The following CSMD1 variants were observed in gnomAD, a reference collection of about 807,000 sequenced individuals.
CSMD1 encodes CUB and Sushi multiple domains 1, also known as CUB and sushi domain-containing protein 1.
A neutral mutation model predicts 417.5 loss-of-function variants in CSMD1; 213 were observed. The observed-to-expected ratio is 0.51, with a 90% CI of 0.46 to 0.57. The LOEUF (loss-of-function observed/expected upper bound fraction) is 0.57, where lower values mean the gene tolerates loss of function less well. CSMD1 is among the 20% of genes least tolerant of loss of function. The pLI is 0.00. For missense variants in CSMD1, 6,923 were observed against 4,529.7 expected, an observed-to-expected ratio of 1.53 and a Z score of -15.17; for synonymous variants, 2,862 against 1,736.8, an observed-to-expected ratio of 1.65 and a Z score of -16.11.
chr8:2,944,701 A>G (rs1041730071), intron 68 of CSMD1, among the ~76,000 whole-genome samples: 9 of 152,314 alleles, frequency 5.9e-5, no homozygotes, highest in African/African-American at 1.9e-4. Context: ...ATTAAAAAAA[A>G]AAGTTTTGTC....
rs146307387 is a variant in CSMD1, at chr8:4,374,290, T to C, written c.415+45663A>G. Among the ~76,000 whole-genome samples, 352 of 152,310 alleles carry C rather than the reference T, an allele frequency of 2.3e-3. 2 individuals carry two copies. Among genetic ancestry groups the C allele is most frequent in the African/African-American group, 7.6e-3 (315 of 41,568 alleles). ...TTTTAATACAGCCTACCTACTGTTA[T>C]GCTGTATTAGAGTACAATATAATTA... On this transcript the variant is annotated intron_variant, in intron 3 of 69. Transcript: ENST00000635120.
At chr8:3,715,734 G>T (rs997486622) in intron 6 of CSMD1, among the ~76,000 whole-genome samples, 3 of 152,092 alleles carry the variant, frequency 2.0e-5, no homozygotes, top group Non-Finnish European at 4.4e-5. Flanking sequence ...GTAGAGACAC[G>T]GTTTCACCAT....
At chr8:3,787,957 G>A (rs969828973) in intron 5 of CSMD1, among the ~76,000 whole-genome samples, 1 of 152,162 alleles carries the variant, frequency 6.6e-6, no homozygotes, top group African/African-American at 2.4e-5. Context: ...CCTTGCATGG[G>A]CTCCTAATGC....
At chr8:4,270,757 T>A (rs1396405149) in intron 3 of CSMD1, among the ~76,000 whole-genome samples, 2 of 152,190 alleles carry the variant, frequency 1.3e-5, no homozygotes, top group Non-Finnish European at 2.9e-5. Flanking sequence ...GTGCTACTCA[T>A]CACCTGCACG....
intron 17 of CSMD1, among the ~76,000 whole-genome samples, chr8:3,388,896 T>TACAC (rs6150441): frequency 0.01 from 1,520 of 147,624 alleles, 24 homozygotes; most frequent in African/African-American, 0.03. Context: ...CACACATGCA[T>TACAC]ACACACACAC....
chr8:4,862,904 G>A (rs1018352584), intron 1 of CSMD1, among the ~76,000 whole-genome samples: 3 of 151,988 alleles, frequency 2.0e-5, no homozygotes, highest in African/African-American at 2.4e-5. Context: ...AGAGCCGTGG[G>A]AGACACAGCA....
chr8:3,727,770 T>A lies in CSMD1; in HGVS notation c.932-19279A>T, dbSNP rs551598069. The stretch of plus-strand genomic sequence containing the variant: ...AATGTGATCTGACCATATAATCGGT[T>A]ATAATTTAGTCTTAAAAAGGAAGGA... On this transcript the variant is annotated intron_variant, in intron 6 of 69. Transcript: ENST00000635120. 9.8e-4 allele frequency among the ~76,000 whole-genome samples: 149 copies of A among 152,272 alleles called. 1 individual carries two copies. Among genetic ancestry groups the A allele is most frequent in the African/African-American group, 3.5e-3 (144 of 41,554 alleles).
chr8:4,787,588 A>G lies in CSMD1; in HGVS notation c.86-150030T>C, dbSNP rs1797474402. On this transcript the variant is annotated intron_variant, in intron 1 of 69. Coordinates refer to ENST00000635120, the MANE Select transcript of CSMD1 (RefSeq NM_033225.6). ...CAGCTTTCATTGCACCCCAGTGCGA[A>G]ATGATTCCAATTGAATGGGTTTGCA... is the stretch of plus-strand genomic sequence containing the variant. 4 of 1,535,064 alleles carry G rather than the reference A, an allele frequency of 2.6e-6. No homozygotes were observed. The South Asian group carries it at 4.5e-5, about 17-fold the overall frequency.
intron 2 of CSMD1, among the ~76,000 whole-genome samples, chr8:4,491,981 T>C (rs1441366585): frequency 6.6e-6 from 1 of 150,852 alleles, no homozygotes; most frequent in Non-Finnish European, 1.5e-5. Context: ...CATTCATTAA[T>C]AGATGAATGG....
chr8:4,197,071 C>G (rs949659600), intron 3 of CSMD1, among the ~76,000 whole-genome samples: 1 of 152,180 alleles, frequency 6.6e-6, no homozygotes, highest in Non-Finnish European at 1.5e-5. Flanking sequence ...AGCTTGTGTT[C>G]TATGGGAAAT....
At chr8:3,954,913 T>A (rs1811838420) in intron 5 of CSMD1, among the ~76,000 whole-genome samples, 1 of 152,216 alleles carries the variant, frequency 6.6e-6, no homozygotes, top group Non-Finnish European at 1.5e-5. Context: ...TGCTCCTCCA[T>A]CTTTGTCCTT....
chr8:3,868,127 T>C (rs1805233318), intron 5 of CSMD1, among the ~76,000 whole-genome samples: 1 of 152,084 alleles, frequency 6.6e-6, no homozygotes, highest in Non-Finnish European at 1.5e-5. Flanking sequence ...CCTAGCACTT[T>C]CTGCTTGGCA....
chr8:3,705,226 G>C, intron 7 of CSMD1, among the ~76,000 whole-genome samples: 1 of 152,224 alleles, frequency 6.6e-6, no homozygotes, highest in Non-Finnish European at 1.5e-5. Context: ...AGGGGCACAA[G>C]TTGGTGCTGA....
intron 5 of CSMD1, among the ~76,000 whole-genome samples, chr8:3,763,192 A>T (rs1021596691): frequency 2.0e-5 from 3 of 152,216 alleles, no homozygotes; most frequent in Admixed American, 6.5e-5. Flanking sequence ...GGCCAGTCCC[A>T]CATCATAAAG....
intron 2 of CSMD1, among the ~76,000 whole-genome samples, chr8:4,515,187 T>C (rs1458724737): frequency 6.6e-6 from 1 of 152,190 alleles, no homozygotes; most frequent in Non-Finnish European, 1.5e-5. Context: ...CTAACTTCTC[T>C]TCATTAAGTA....
intron 1 of CSMD1, among the ~76,000 whole-genome samples, chr8:4,804,992 G>C (rs1003399085): frequency 1.3e-5 from 2 of 152,052 alleles, no homozygotes; most frequent in Non-Finnish European, 2.9e-5. Flanking sequence ...TAAACACATA[G>C]GATTAATTTA....
chr8:4,753,964 T>C (rs1487336003), intron 1 of CSMD1, among the ~76,000 whole-genome samples: 2 of 152,132 alleles, frequency 1.3e-5, no homozygotes, highest in East Asian at 1.9e-4. Flanking sequence ...AAAAAGCAAA[T>C]GAACAGCTTC....
chr8:3,440,397 G>A (rs1025897122), intron 12 of CSMD1, among the ~76,000 whole-genome samples: 2 of 152,176 alleles, frequency 1.3e-5, no homozygotes, highest in African/African-American at 2.4e-5. Context: ...ATATTACATT[G>A]TTTTGAGTGA....
intron 1 of CSMD1, among the ~76,000 whole-genome samples, chr8:4,661,549 T>C (rs1019067675): frequency 1.3e-5 from 2 of 152,172 alleles, no homozygotes; most frequent in African/African-American, 4.8e-5. Context: ...GTGATATAAA[T>C]ATTCTGTATC....
Sources: allele counts gnomAD v4.1 joint callset (sites outside exome capture counted in the v4.1 genomes callset), GRCh38; gene constraint gnomAD v4.1.1; transcripts MANE v1.5; gene names NCBI Gene and HGNC (gene_info 2026-07-23, HGNC 2026-07-21).